The following ATP8A1 variants were observed in gnomAD, a reference collection of about 807,000 sequenced individuals.
ATP8A1 encodes ATPase phospholipid transporting 8A1, also known as phospholipid-transporting ATPase IA.
In ATP8A1, 90 loss-of-function variants were observed where a neutral mutation model predicts 177.7. The observed-to-expected ratio is 0.51, with a 90% confidence interval of 0.43 to 0.60. The LOEUF (loss-of-function observed/expected upper bound fraction) is 0.60, where lower values mean the gene tolerates loss of function less well. ATP8A1 is among the 20% of genes least tolerant of loss of function. The pLI, the probability that ATP8A1 is intolerant of heterozygous loss-of-function variation, is 0.00. For missense variants in ATP8A1, 1,072 were observed against 1,392.8 expected (o/e 0.77, Z 3.67); for synonymous variants, 493 against 485.9 (o/e 1.01, Z -0.19).
chr4:42,443,592 A>G lies in ATP8A1; in HGVS notation c.3096T>C (p.Ile1032=). The G allele has an allele frequency of 6.8e-7, 1 of 1,473,012 alleles. No homozygotes were observed. Among genetic ancestry groups the G allele is most frequent in the Non-Finnish European group, 9.5e-7 (1 of 1,051,142 alleles). 91.2% of individuals were successfully genotyped at this position (1,473,012 alleles called of 1,614,324 possible). The change falls in exon 33 of 37, where the codon ATT becomes ATC. Residue 1032 remains isoleucine, a synonymous_variant. Transcript: ENST00000381668. The stretch of plus-strand genomic sequence containing the variant: ...CTCCTGACATATCAGGGGCCATCGG[A>G]ATGGCAGGCCACAGAGATGAGTAGA... ...FGIYSSLWPA[I]PMAPDMSGEA...
chr4:42,477,568 A>G (rs937881734), intron 25 of ATP8A1, among the ~76,000 whole-genome samples: 40 of 152,208 alleles, frequency 2.6e-4, no homozygotes, highest in African/African-American at 9.6e-4. Flanking sequence ...TATAGATTGC[A>G]GTACTTTTCA....
chr4:42,425,223 TG>T lies in ATP8A1; in HGVS notation c.3124-1519del, dbSNP rs368048099. The stretch of plus-strand genomic sequence containing the variant: ...TAATTTTAATATATTTTAATTTGGT[TG>T]GGGGGGGGCAAGAGAAGGAGGATTT... On this transcript the variant is annotated intron_variant, in intron 33 of 36. Coordinates refer to ENST00000381668, the MANE Select transcript of ATP8A1 (RefSeq NM_006095.2). Among the ~76,000 whole-genome samples, 249 of 150,508 alleles carry T rather than the reference TG, an allele frequency of 1.7e-3. 2 individuals carry two copies. The highest frequency in any genetic ancestry group is 5.0e-3 in the African/African-American group (206 of 40,976).
intron 20 of ATP8A1, among the ~76,000 whole-genome samples, chr4:42,539,298 A>G (rs919820299): frequency 2.6e-4 from 40 of 151,784 alleles, no homozygotes; most frequent in African/African-American, 9.7e-4. Flanking sequence ...AAGACTACAT[A>G]TTGGGTATCG....
At chr4:42,625,501 T>C in intron 3 of ATP8A1, 113 bp downstream of exon 3, 1 of 605,700 alleles carries the variant, frequency 1.7e-6, no homozygotes, top group East Asian at 3.1e-5. Flanking sequence ...GCCAGAAATG[T>C]CCACCAAAAC....
chr4:42,526,182 C>G (rs1384457173), intron 20 of ATP8A1, among the ~76,000 whole-genome samples: 4 of 151,794 alleles, frequency 2.6e-5, no homozygotes, highest in Admixed American at 2.6e-4. Flanking sequence ...GCGGAAGACA[C>G]TGACGTTTAG....
At chr4:42,577,505 A>G (rs983467336) in intron 12 of ATP8A1, among the ~76,000 whole-genome samples, 7 of 152,188 alleles carry the variant, frequency 4.6e-5, no homozygotes, top group African/African-American at 1.4e-4. Flanking sequence ...ATGATTGAAA[A>G]AGAAAGAAAC....
At chr4:42,433,971 C>A (rs1715615775) in intron 33 of ATP8A1, among the ~76,000 whole-genome samples, 1 of 151,888 alleles carries the variant, frequency 6.6e-6, no homozygotes, top group Non-Finnish European at 1.5e-5. Flanking sequence ...TATATCAATG[C>A]ATACTGAGAA....
At chr4:42,468,199 C>T (rs1451983298) in intron 25 of ATP8A1, among the ~76,000 whole-genome samples, 1 of 152,098 alleles carries the variant, frequency 6.6e-6, no homozygotes, top group Non-Finnish European at 1.5e-5. Context: ...AGTAGAACTA[C>T]CATTTGATCC....
intron 16 of ATP8A1, among the ~76,000 whole-genome samples, chr4:42,554,044 G>C (rs1444791741): frequency 6.6e-6 from 1 of 152,234 alleles, no homozygotes; most frequent in East Asian, 1.9e-4. Context: ...AGCTTAGGCA[G>C]GGGCCAGATC....
intron 5 of ATP8A1, among the ~76,000 whole-genome samples, chr4:42,607,374 A>G (rs1188542273): frequency 6.6e-6 from 1 of 152,254 alleles, no homozygotes; most frequent in Non-Finnish European, 1.5e-5. Flanking sequence ...TGGCCAAGGA[A>G]ACTAGTCAAT....
chr4:42,492,475 G>T (rs1302146897), intron 24 of ATP8A1, among the ~76,000 whole-genome samples: 1 of 152,120 alleles, frequency 6.6e-6, no homozygotes, highest in Non-Finnish European at 1.5e-5. Context: ...TGAGGGTGGA[G>T]ACCTCATGAA....
intron 5 of ATP8A1, among the ~76,000 whole-genome samples, chr4:42,610,508 G>C (rs1192549970): frequency 1.3e-5 from 2 of 151,114 alleles, no homozygotes; most frequent in Non-Finnish European, 2.9e-5. Flanking sequence ...AAGTCATAAA[G>C]CCAGCCATAA....
chr4:42,522,120 A>G, intron 22 of ATP8A1, 40 bp downstream of exon 22: 1 of 1,562,752 alleles, frequency 6.4e-7, no homozygotes, highest in Non-Finnish European at 8.6e-7. Context: ...ACTATCTGGA[A>G]ACCAAACCCT....
Position 42,586,469 on chromosome 4 carries a change from G to T in ATP8A1, c.602C>A (p.Pro201Gln). ...ETNLKIRQGL[P>Q]ATSDIKDVDS... ...AACGTCTTTGATATCTGATGTTGCT[G>T]GTAAGCCCTGTTTGGAATTTTTAAA... The change falls in exon 9 of 37, where the codon CCA (proline) becomes CAA (glutamine). Residue 201 changes from proline (P) to glutamine (Q), a missense_variant. Coordinates refer to ENST00000381668, the MANE Select transcript of ATP8A1 (RefSeq NM_006095.2). The T allele has an allele frequency of 6.2e-7, 1 of 1,613,476 alleles. No individual in the cohort carries two copies. The highest frequency in any genetic ancestry group is 8.5e-7 in the Non-Finnish European group (1 of 1,179,774).
intron 18 of ATP8A1, among the ~76,000 whole-genome samples, chr4:42,549,945 C>T (rs968735030): frequency 1.2e-4 from 18 of 152,144 alleles, no homozygotes; most frequent in Non-Finnish European, 1.2e-4. Context: ...TTAAATGAGA[C>T]AATTTATATA....
intron 22 of ATP8A1, among the ~76,000 whole-genome samples, chr4:42,518,661 C>CTGACATGCTAAGTCCAATAA (rs1294551821): frequency 6.6e-6 from 1 of 152,202 alleles, no homozygotes; most frequent in Non-Finnish European, 1.5e-5. Flanking sequence ...GATTCACTGT[C>CTGACATGCTAAGTCCAATAA]TGACATGCTA....
intron 25 of ATP8A1, among the ~76,000 whole-genome samples, chr4:42,476,256 A>C (rs765230179): frequency 6.6e-6 from 1 of 152,148 alleles, no homozygotes; most frequent in Non-Finnish European, 1.5e-5. Flanking sequence ...CCTCCTTCCT[A>C]GCATATACAA....
chr4:42,442,098 T>C (rs996774876), intron 33 of ATP8A1, among the ~76,000 whole-genome samples: 1 of 152,214 alleles, frequency 6.6e-6, no homozygotes, highest in African/African-American at 2.4e-5. Flanking sequence ...GTCCTAGAAG[T>C]AGGTGGTCAA....
At chr4:42,605,999 G>A (rs1563845) in intron 5 of ATP8A1, among the ~76,000 whole-genome samples, 83,778 of 151,960 alleles carry the variant, frequency 0.55, 23,561 homozygotes, top group South Asian at 0.67. Flanking sequence ...ATGAATCCTC[G>A]CACACCTTTC....
Sources: gnomAD v4.1 joint callset for allele counts (sites outside exome capture counted in the v4.1 genomes callset) on GRCh38, gnomAD v4.1.1 for gene constraint, MANE v1.5 for transcripts, NCBI Gene and HGNC (gene_info 2026-07-23, HGNC 2026-07-21) for gene names.